SEM1: variants seen among roughly 807,000 people sequenced by gnomAD.
SEM1 encodes the protein 26S proteasome complex subunit SEM1.
In SEM1, 3 loss-of-function variants were observed where a neutral mutation model predicts 12.7. The ratio of observed to expected loss-of-function variants is 0.24; its 90% CI spans 0.11 to 0.61. SEM1 has a LOEUF of 0.61. SEM1 is among the 20% of genes least tolerant of loss of function. The pLI is 0.88. For synonymous variants in SEM1, 30 were observed against 27.8 expected (o/e 1.08, Z -0.25); for missense variants, 59 against 81.3 (o/e 0.73, Z 1.06).
At chr7:96,592,924 C>A (rs1013651630) in intron 2 of SEM1, among the ~76,000 whole-genome samples, 1 of 146,896 alleles carries the variant, frequency 6.8e-6, no homozygotes, top group Non-Finnish European at 1.5e-5. Context: ...CCCTTCTTGT[C>A]TGTTTTCCAC....
intron 2 of SEM1, among the ~76,000 whole-genome samples, chr7:96,690,006 T>G (rs1436852805): frequency 6.6e-6 from 1 of 152,166 alleles, no homozygotes; most frequent in Non-Finnish European, 1.5e-5. Context: ...ACAAATGTAA[T>G]GTAGTATACA....
intron 2 of SEM1, among the ~76,000 whole-genome samples, chr7:96,668,169 A>G (rs1789219139): frequency 6.6e-6 from 1 of 152,226 alleles, no homozygotes; most frequent in Non-Finnish European, 1.5e-5. Context: ...ATTTTTGTGC[A>G]TACATAGTAG....
At chr7:96,629,703 T>G (rs568483492) in intron 2 of SEM1, among the ~76,000 whole-genome samples, 8 of 152,258 alleles carry the variant, frequency 5.3e-5, no homozygotes, top group East Asian at 1.9e-4. Flanking sequence ...TAGATATTTG[T>G]CTGTGTTTGG....
At chr7:96,591,920 G>T (rs938116099) in intron 2 of SEM1, among the ~76,000 whole-genome samples, 2 of 150,318 alleles carry the variant, frequency 1.3e-5, no homozygotes, top group East Asian at 2.0e-4. Flanking sequence ...TACAATAAAA[G>T]AATTCATCTC....
chr7:96,671,928 G>C (rs562629482), downstream of SEM1, among the ~76,000 whole-genome samples: 1 of 152,172 alleles, frequency 6.6e-6, no homozygotes, highest in Non-Finnish European at 1.5e-5. Context: ...TGCCCATATC[G>C]GGATAGGAAA....
downstream of SEM1, among the ~76,000 whole-genome samples, chr7:96,685,037 C>T (rs1472817724): frequency 6.6e-6 from 1 of 152,126 alleles, no homozygotes; most frequent in Non-Finnish European, 1.5e-5. Context: ...ATTGTCAGCT[C>T]TCTGCCAAGT....
At chr7:96,507,067 T>C (rs75643838) in intron 2 of SEM1, among the ~76,000 whole-genome samples, 1,885 of 152,014 alleles carry the variant, frequency 0.012, 44 homozygotes, top group African/African-American at 0.043. Context: ...TAAAAAAAAT[T>C]AGAGGAAAAG....
intron 1 of SEM1, among the ~76,000 whole-genome samples, chr7:96,488,219 G>A (rs1272612864): frequency 6.6e-6 from 1 of 152,128 alleles, no homozygotes. Context: ...CATTAAATGG[G>A]AGGCCTGAGC....
chr7:96,552,659 A>G (rs1584757298), intron 2 of SEM1, among the ~76,000 whole-genome samples: 1 of 149,612 alleles, frequency 6.7e-6, no homozygotes, highest in Non-Finnish European at 1.5e-5. Context: ...ATACGTGTGC[A>G]TGTGTCTTTA....
intron 2 of SEM1, among the ~76,000 whole-genome samples, chr7:96,555,936 A>C (rs1805478141): frequency 6.9e-6 from 1 of 144,702 alleles, no homozygotes; most frequent in Non-Finnish European, 1.5e-5. Context: ...TCCCTTTACC[A>C]TTATGTAATG....
At chr7:96,654,561 C>T (rs1809116328) in intron 2 of SEM1, among the ~76,000 whole-genome samples, 1 of 152,144 alleles carries the variant, frequency 6.6e-6, no homozygotes, top group South Asian at 2.1e-4. Flanking sequence ...TCAGCCATGC[C>T]ATCAGGAGGG....
chr7:96,492,019 G>T (rs1286103286), intron 1 of SEM1, among the ~76,000 whole-genome samples: 5 of 152,012 alleles, frequency 3.3e-5, no homozygotes, highest in Non-Finnish European at 7.4e-5. Context: ...TCCTTGGTTT[G>T]CCCTCAGTGT....
Position 96,537,964 on chromosome 7 carries a change from C to A in SEM1, c.171-31266G>T, listed in dbSNP as rs115301023. On this transcript the variant is annotated intron_variant and NMD_transcript_variant, in intron 2 of 3. Transcript: ENST00000466986. ...TCCCACATTTCTTTGGGGTTCTATT[C>A]TGTTTGTTTTCTTTTTTTAACTTTA... 3.1e-3 allele frequency among the ~76,000 whole-genome samples: 463 copies of A among 151,672 alleles called. 2 individuals carry two copies. Among genetic ancestry groups the A allele is most frequent in the African/African-American group, 0.011 (439 of 41,462 alleles).
At chr7:96,653,636 T>A (rs1809074914) in intron 2 of SEM1, 1 of 152,212 alleles carries the variant, frequency 6.6e-6, no homozygotes, top group Non-Finnish European at 1.5e-5. Flanking sequence ...TTAAGTCCAA[T>A]AATGCCACGT....
chr7:96,499,240 T>C (rs1431792229), upstream of SEM1, among the ~76,000 whole-genome samples: 2 of 152,200 alleles, frequency 1.3e-5, no homozygotes, highest in Non-Finnish European at 2.9e-5. Context: ...AATGTCCTTA[T>C]ACTAAGACTA....
chr7:96,645,569 C>T (rs962072123), intron 2 of SEM1: 13 of 393,200 alleles, frequency 3.3e-5, no homozygotes, highest in Non-Finnish European at 4.5e-5. Context: ...AAAGAGAGAC[C>T]GGAGCATGCT....
intron 2 of SEM1, among the ~76,000 whole-genome samples, chr7:96,509,927 G>C (rs1418379640): frequency 6.6e-6 from 1 of 152,086 alleles, no homozygotes; most frequent in Non-Finnish European, 1.5e-5. Flanking sequence ...TGTTTAATAA[G>C]TACATACTTT....
intron 2 of SEM1, among the ~76,000 whole-genome samples, chr7:96,690,915 C>T (rs535658616): frequency 2.2e-4 from 34 of 152,144 alleles, no homozygotes; most frequent in African/African-American, 7.9e-4. Flanking sequence ...GGACTACAGG[C>T]GCCCGCCACC....
At chr7:96,671,169 C>T (rs1444703091), downstream of SEM1, among the ~76,000 whole-genome samples, 2 of 152,138 alleles carry the variant, frequency 1.3e-5, no homozygotes, top group African/African-American at 4.8e-5. Flanking sequence ...AATTAAGACA[C>T]CTTGAAAAAA....
Sources: allele counts gnomAD v4.1 joint callset (sites outside exome capture counted in the v4.1 genomes callset), GRCh38; gene constraint gnomAD v4.1.1; transcripts MANE v1.5; gene names NCBI Gene and HGNC (gene_info 2026-07-23, HGNC 2026-07-21).